PCSK6: variants seen among roughly 807,000 people sequenced by gnomAD.
PCSK6 encodes the protein proprotein convertase subtilisin/kexin type 6, also known as paired basic amino acid cleaving enzyme 4.
PCSK6 carries 85 observed loss-of-function variants against 123.3 expected under a neutral mutation model. The observed-to-expected ratio is 0.69, with a 90% CI of 0.58 to 0.83. The LOEUF is 0.83. PCSK6 is among the 40% of genes least tolerant of loss of function. PCSK6 has a pLI of 0.00. For synonymous variants in PCSK6, 508 were observed against 516.0 expected (o/e 0.98, Z 0.21); for missense variants, 1,191 against 1,282.3 (o/e 0.93, Z 1.09).
chr15:101,481,048 G>A (rs751570912), intron 1 of PCSK6, among the ~76,000 whole-genome samples: 3 of 152,156 alleles, frequency 2.0e-5, no homozygotes, highest in South Asian at 2.1e-4. Context: ...AGCAATACTC[G>A]CTGAATAAAT....
At chr15:101,464,392 T>C (rs1251758865) in intron 1 of PCSK6, among the ~76,000 whole-genome samples, 1 of 152,174 alleles carries the variant, frequency 6.6e-6, no homozygotes, top group Non-Finnish European at 1.5e-5. Flanking sequence ...TTTGGTCATT[T>C]AATGTGAACC....
intron 1 of PCSK6, among the ~76,000 whole-genome samples, chr15:101,446,649 T>C (rs1250632286): frequency 1.3e-5 from 2 of 152,238 alleles, no homozygotes; most frequent in Non-Finnish European, 2.9e-5. Context: ...AGTTCATATG[T>C]GAACTCTGAA....
rs187800190 is a variant in PCSK6 at position 101,364,927 on chromosome 15, A to C, written c.1858+1269T>G. 3.9e-5 allele frequency: 29 copies of C among 736,874 alleles called. No homozygotes were observed. The Admixed American group carries it at 5.1e-4, about 13-fold the overall frequency. The allele number at this position is 736,874 out of a possible 1,614,324, so 45.6% of individuals were successfully genotyped here. ...AACTTACTACAAAGCTACAGTGATCAAAACAATATGGTACTGACTCCAAGA... is the reference window on the plus strand; with the variant it reads ...AACTTACTACAAAGCTACAGTGATCCAAACAATATGGTACTGACTCCAAGA... On this transcript the variant is annotated intron_variant, in intron 13 of 21. Transcript: ENST00000611716.
chr15:101,400,258 C>T (rs922008324), intron 6 of PCSK6, among the ~76,000 whole-genome samples: 3 of 152,058 alleles, frequency 2.0e-5, no homozygotes, highest in African/African-American at 7.2e-5. Flanking sequence ...TTTTTTCCCC[C>T]ACTGAGCTTT....
chr15:101,413,941 G>A (rs2055796022), intron 6 of PCSK6, among the ~76,000 whole-genome samples: 1 of 152,032 alleles, frequency 6.6e-6, no homozygotes, highest in Non-Finnish European at 1.5e-5. Flanking sequence ...TTATCTACAG[G>A]AGACTCAATT....
chr15:101,423,117 T>C (rs1488552097), intron 6 of PCSK6, among the ~76,000 whole-genome samples: 2 of 152,182 alleles, frequency 1.3e-5, no homozygotes, highest in Non-Finnish European at 2.9e-5. Context: ...CAAAAGACTT[T>C]AAAGTATTTC....
chr15:101,427,835 TC>T, intron 6 of PCSK6, 56 bp downstream of exon 6: 1 of 1,365,446 alleles, frequency 7.3e-7, no homozygotes, highest in Non-Finnish European at 1.0e-6. Flanking sequence ...GACAGGGAGC[TC>T]CCAGCTGCCC....
At chr15:101,456,655 C>T (rs1567234401) in intron 1 of PCSK6, among the ~76,000 whole-genome samples, 1 of 152,202 alleles carries the variant, frequency 6.6e-6, no homozygotes, top group Admixed American at 6.5e-5. Flanking sequence ...CAAGGAACGG[C>T]AATCTGCCAG....
chr15:101,411,866 T>C (rs1424772223), intron 6 of PCSK6, among the ~76,000 whole-genome samples: 1 of 152,204 alleles, frequency 6.6e-6, no homozygotes, highest in African/African-American at 2.4e-5. Flanking sequence ...AGGGGCCCAC[T>C]TGCATGGTGC....
At chr15:101,456,619 G>T (rs2057189138) in intron 1 of PCSK6, among the ~76,000 whole-genome samples, 1 of 152,198 alleles carries the variant, frequency 6.6e-6, no homozygotes, top group African/African-American at 2.4e-5. Context: ...AAACCGCTTT[G>T]CCTACCGGGC....
chr15:101,369,961 C>T (rs1460047796), intron 12 of PCSK6, among the ~76,000 whole-genome samples: 3 of 152,138 alleles, frequency 2.0e-5, no homozygotes, highest in Non-Finnish European at 4.4e-5. Context: ...TACACATGCT[C>T]GATTCAAAAG....
chr15:101,313,178 G>A lies in PCSK6; in HGVS notation c.2699+198C>T, dbSNP rs1330243072. 1.5e-5 allele frequency: 23 copies of A among 1,509,724 alleles called. No individual in the cohort carries two copies. In the East Asian group the frequency reaches 5.5e-4, roughly 36 times the overall value. 93.5% of individuals were successfully genotyped at this position (1,509,724 alleles called of 1,614,324 possible). A position where few individuals can be genotyped will look rare whatever the true frequency, so the allele number is the denominator to read the frequency against. On this transcript the variant is annotated intron_variant, in intron 20 of 21. Coordinates refer to ENST00000611716, the MANE Select transcript of PCSK6 (RefSeq NM_002570.5). ...CGCTGCTGCACGGTGTCTGCCCACA[G>A]CAGGGACCCAACAAATATGCATCCA... is the stretch of plus-strand genomic sequence containing the variant.
chr15:101,426,121 CA>C (rs2056247420), intron 6 of PCSK6, among the ~76,000 whole-genome samples: 1 of 152,210 alleles, frequency 6.6e-6, no homozygotes, highest in Non-Finnish European at 1.5e-5. Flanking sequence ...GTCCACCCCT[CA>C]CTCAAAGCAA....
chr15:101,446,001 G>A (rs1440297160), intron 1 of PCSK6, among the ~76,000 whole-genome samples: 1 of 152,244 alleles, frequency 6.6e-6, no homozygotes, highest in African/African-American at 2.4e-5. Context: ...AAAGGCCCCT[G>A]GGTCTGGGCT....
chr15:101,314,347 C>T (rs2039938361), intron 19 of PCSK6, among the ~76,000 whole-genome samples: 1 of 152,112 alleles, frequency 6.6e-6, no homozygotes, highest in South Asian at 2.1e-4. Flanking sequence ...CAGGGAGCAA[C>T]TGATGGGACG....
chr15:101,312,681 A>C (rs2039893584), intron 20 of PCSK6, among the ~76,000 whole-genome samples: 2 of 152,010 alleles, frequency 1.3e-5, no homozygotes, highest in Admixed American at 6.6e-5. Flanking sequence ...AAATACAAAC[A>C]ATTAGTGGGG....
At chr15:101,403,346 C>T (rs1392833586) in intron 6 of PCSK6, among the ~76,000 whole-genome samples, 3 of 150,052 alleles carry the variant, frequency 2.0e-5, no homozygotes, top group Non-Finnish European at 4.4e-5. Context: ...GGGTGCAGCA[C>T]ACCAGCATGG....
intron 1 of PCSK6, among the ~76,000 whole-genome samples, chr15:101,481,404 A>G (rs566153201): frequency 6.0e-5 from 9 of 149,736 alleles, no homozygotes; most frequent in African/African-American, 2.2e-4. Context: ...GGGAAGGCTG[A>G]GGGGCGAACC....
At chr15:101,366,399 C>A in intron 12 of PCSK6, 67 bp from the exon 13 acceptor site, 2 of 1,527,282 alleles carry the variant, frequency 1.3e-6, no homozygotes, top group Non-Finnish European at 1.8e-6. Context: ...GAGGGGCTGG[C>A]ACAAGCAGGG....
Sources: gnomAD v4.1 joint callset for allele counts (sites outside exome capture counted in the v4.1 genomes callset) on GRCh38, gnomAD v4.1.1 for gene constraint, MANE v1.5 for transcripts, NCBI Gene and HGNC (gene_info 2026-07-23, HGNC 2026-07-21) for gene names.